The following NAALADL2 variants were observed in gnomAD, a reference collection of about 807,000 sequenced individuals.
NAALADL2 encodes inactive N-acetylated-alpha-linked acidic dipeptidase-like protein 2.
In NAALADL2, 76 loss-of-function variants were observed where a neutral mutation model predicts 87.2. The ratio of observed to expected loss-of-function variants is 0.87; its 90% CI spans 0.72 to 1.05. The LOEUF is 1.05. NAALADL2 is among the 50% of genes least tolerant of loss of function. The pLI is 0.00. For synonymous variants in NAALADL2, 354 were observed against 331.0 expected, an observed-to-expected ratio of 1.07 and a Z score of -0.75; for missense variants, 1,089 against 945.8, an observed-to-expected ratio of 1.15 and a Z score of -1.99.
intron 13 of NAALADL2, among the ~76,000 whole-genome samples, chr3:175,789,011 G>C (rs1003078580): frequency 2.0e-5 from 3 of 152,032 alleles, no homozygotes; most frequent in African/African-American, 4.8e-5. Context: ...TCATGAACAA[G>C]AAAAATAGGT....
intron 1 of NAALADL2, among the ~76,000 whole-genome samples, chr3:175,040,497 G>A (rs1051954829): frequency 1.2e-4 from 18 of 152,166 alleles, no homozygotes; most frequent in Admixed American, 9.2e-4. Context: ...TGTCAGTGCA[G>A]TGTAAGGGAC....
chr3:175,785,829 G>T (rs1194485092), intron 13 of NAALADL2, among the ~76,000 whole-genome samples: 1 of 150,858 alleles, frequency 6.6e-6, no homozygotes, highest in African/African-American at 2.5e-5. Flanking sequence ...GCATGATTTT[G>T]CAGTGGCTGG....
At chr3:175,063,309 A>G (rs949353643) in intron 1 of NAALADL2, among the ~76,000 whole-genome samples, 1 of 152,166 alleles carries the variant, frequency 6.6e-6, no homozygotes. Flanking sequence ...TTTGATAAAT[A>G]TGTATGTAGT....
intron 1 of NAALADL2, among the ~76,000 whole-genome samples, chr3:175,024,680 A>G (rs1751991353): frequency 6.6e-6 from 1 of 152,102 alleles, no homozygotes; most frequent in African/African-American, 2.4e-5. Context: ...AGTATAGGAG[A>G]ACAGGATATC....
chr3:175,381,852 T>C (rs1456608934), intron 5 of NAALADL2, among the ~76,000 whole-genome samples: 2 of 152,034 alleles, frequency 1.3e-5, no homozygotes, highest in Non-Finnish European at 2.9e-5. Context: ...AGAACAGCCA[T>C]AGGTAGTGGC....
At chr3:174,743,011 A>G (rs1733904295) in intron 3 of NAALADL2, among the ~76,000 whole-genome samples, 1 of 151,720 alleles carries the variant, frequency 6.6e-6, no homozygotes, top group African/African-American at 2.4e-5. Flanking sequence ...GAATATAGTC[A>G]AATATATAAT....
chr3:175,191,853 T>C (rs1034980055), intron 2 of NAALADL2, among the ~76,000 whole-genome samples: 5 of 152,158 alleles, frequency 3.3e-5, no homozygotes, highest in Admixed American at 6.6e-5. Context: ...ACAGTTCTTA[T>C]CTATTTCTAA....
intron 1 of NAALADL2, among the ~76,000 whole-genome samples, chr3:174,953,710 A>T (rs1740751865): frequency 6.6e-6 from 1 of 152,018 alleles, no homozygotes; most frequent in African/African-American, 2.4e-5. Flanking sequence ...TCAAGTGCCT[A>T]CTGTGTGCCA....
intron 13 of NAALADL2, among the ~76,000 whole-genome samples, chr3:175,787,695 G>A (rs1184838051): frequency 6.6e-6 from 1 of 152,124 alleles, no homozygotes; most frequent in Admixed American, 6.5e-5. Context: ...GCTGGGAGCT[G>A]TAGACCGGAG....
chr3:175,232,202 G>GAAC (rs1276882668), intron 2 of NAALADL2, among the ~76,000 whole-genome samples: 2 of 150,756 alleles, frequency 1.3e-5, no homozygotes, highest in Non-Finnish European at 3.0e-5. Context: ...GGAAGAAGAA[G>GAAC]AAGAACAAGA....
intron 1 of NAALADL2, among the ~76,000 whole-genome samples, chr3:174,974,768 A>G (rs1040736806): frequency 6.6e-6 from 1 of 152,076 alleles, no homozygotes; most frequent in Non-Finnish European, 1.5e-5. Flanking sequence ...CATTGCAGCT[A>G]TTGATAGGGT....
intron 3 of NAALADL2, chr3:175,242,481 C>G (rs909463147): frequency 2.0e-5 from 3 of 152,054 alleles, no homozygotes; most frequent in Non-Finnish European, 4.4e-5. Flanking sequence ...CACATTAGTC[C>G]AAGAAAATGC....
intron 6 of NAALADL2, among the ~76,000 whole-genome samples, chr3:175,461,066 A>C (rs1467424790): frequency 6.6e-6 from 1 of 152,068 alleles, no homozygotes; most frequent in East Asian, 1.9e-4. Context: ...TGGTGGGTTT[A>C]CAGTTCTTTA....
chr3:174,627,835 C>G (rs759007976), intron 2 of NAALADL2, among the ~76,000 whole-genome samples: 1 of 152,024 alleles, frequency 6.6e-6, no homozygotes, highest in Non-Finnish European at 1.5e-5. Context: ...TGCAATGACT[C>G]AGAAACAGAA....
intron 13 of NAALADL2, among the ~76,000 whole-genome samples, chr3:175,756,394 G>T (rs1185355129): frequency 5.9e-5 from 9 of 152,076 alleles, no homozygotes; most frequent in Non-Finnish European, 2.9e-5. Flanking sequence ...CACAGGACTA[G>T]TCACAATGGT....
At chr3:175,120,650 A>G (rs1726013547) in intron 2 of NAALADL2, among the ~76,000 whole-genome samples, 1 of 151,824 alleles carries the variant, frequency 6.6e-6, no homozygotes, top group Non-Finnish European at 1.5e-5. Context: ...TGTTATCTTC[A>G]ATTCAGCTCA....
intron 2 of NAALADL2, among the ~76,000 whole-genome samples, chr3:174,722,975 G>A (rs1042517738): frequency 7.9e-5 from 12 of 152,220 alleles, no homozygotes; most frequent in Non-Finnish European, 1.6e-4. Flanking sequence ...ATTCATGGCT[G>A]TATTCTGTGT....
intron 3 of NAALADL2, among the ~76,000 whole-genome samples, chr3:175,248,465 A>G (rs1211233324): frequency 6.6e-6 from 1 of 152,198 alleles, no homozygotes; most frequent in East Asian, 1.9e-4. Context: ...GTCTTTCACC[A>G]TCTTCTAGGG....
intron 2 of NAALADL2, among the ~76,000 whole-genome samples, chr3:174,704,224 G>A (rs1278313415): frequency 6.6e-6 from 1 of 152,022 alleles, no homozygotes; most frequent in Admixed American, 6.6e-5. Context: ...ACTACAGTAG[G>A]ACCTTGAAAG....
Sources: gnomAD v4.1 joint callset for allele counts (sites outside exome capture counted in the v4.1 genomes callset) on GRCh38, gnomAD v4.1.1 for gene constraint, MANE v1.5 for transcripts, NCBI Gene and HGNC (gene_info 2026-07-23, HGNC 2026-07-21) for gene names.